CEP350: variants seen among roughly 807,000 people sequenced by gnomAD.
CEP350 encodes the protein centrosome-associated protein 350.
CEP350 carries 126 observed loss-of-function variants against 331.8 expected under a neutral mutation model. That is an observed-to-expected ratio of 0.38 (90% CI 0.33 to 0.44). CEP350 has a LOEUF of 0.44. CEP350 is among the 20% of genes least tolerant of loss of function. The pLI is 1.00. For synonymous variants in CEP350, 1,200 were observed against 1,259.5 expected, an observed-to-expected ratio of 0.95 and a Z score of 1.00; for missense variants, 3,406 against 3,634.6, an observed-to-expected ratio of 0.94 and a Z score of 1.62.
At position 180,020,945 on chromosome 1, in the gene CEP350, G is replaced by A. The variant is rs760754617; in HGVS notation, c.3171G>A (p.Leu1057=). The A allele has an allele frequency of 1.2e-6, 2 of 1,600,578 alleles. No individual in the cohort carries two copies. Among genetic ancestry groups the A allele is most frequent in the South Asian group, 2.2e-5 (2 of 88,932 alleles). The change falls in exon 12 of 38, where the codon TTG becomes TTA. Residue 1057 remains leucine (L), a synonymous_variant. Transcript: ENST00000367607. ...GTQSKGPWEE[L]AKGSPHSVIN... ...AAAGCAAAGGACCATGGGAAGAATT[G>A]GCAAAGGGAAGTCCACATAGCGTCA...
chr1:180,108,610 C>T (rs1361860152), intron 37 of CEP350, among the ~76,000 whole-genome samples: 2 of 152,162 alleles, frequency 1.3e-5, no homozygotes, highest in Non-Finnish European at 2.9e-5. Context: ...GTGCACACAC[C>T]TAGACCATCC....
intron 14 of CEP350, among the ~76,000 whole-genome samples, chr1:180,027,047 C>T (rs1166827519): frequency 2.6e-5 from 4 of 152,218 alleles, no homozygotes; most frequent in Non-Finnish European, 4.4e-5. Flanking sequence ...TCTATAGCAG[C>T]TGTACCATTT....
chr1:179,972,046 T>A (rs1331340821), intron 1 of CEP350, among the ~76,000 whole-genome samples: 1 of 152,196 alleles, frequency 6.6e-6, no homozygotes, highest in Non-Finnish European at 1.5e-5. Context: ...GTTTCTGGTT[T>A]ATGCAGCTGG....
At chr1:180,084,448 TC>T (rs1387877778) in intron 31 of CEP350, among the ~76,000 whole-genome samples, 1 of 152,174 alleles carries the variant, frequency 6.6e-6, no homozygotes, top group African/African-American at 2.4e-5. Flanking sequence ...CACTGCAAGA[TC>T]CGCCCCCTGG....
intron 1 of CEP350, among the ~76,000 whole-genome samples, chr1:179,960,225 A>G (rs60647697): frequency 0.056 from 8,139 of 146,360 alleles, 519 homozygotes; most frequent in African/African-American, 0.16. Flanking sequence ...CCATATAGAC[A>G]TGCCAATTCA....
intron 24 of CEP350, 103 bp from the exon 25 acceptor site, chr1:180,054,312 T>C (rs928238477): frequency 6.3e-6 from 6 of 949,436 alleles, no homozygotes; most frequent in Non-Finnish European, 9.8e-6. Context: ...TTTGAAAATG[T>C]TAAATTGGTT....
Position 180,014,413 on chromosome 1 carries a change from A to G in CEP350, c.1960A>G (p.Thr654Ala), listed in dbSNP as rs1654841939. Residue 654 changes from threonine (T) to alanine (A), a missense_variant, in exon 10 of 38, where the codon ACT (threonine) becomes GCT (alanine). This residue lies in a region of CEP350 where 1,857 missense variants were observed against 1,909.2 expected (regional missense o/e 0.97). Transcript: ENST00000367607. ...TGTCCCTCCTTCTGAGCCATCAGCAACTAGGCGACTACAGGAAACTTACTC... is the reference window on the plus strand; with the variant it reads ...TGTCCCTCCTTCTGAGCCATCAGCAGCTAGGCGACTACAGGAAACTTACTC... ...KNVPPSEPSA[T>A]RRLQETYSKL... The G allele has an allele frequency of 2.5e-6, 4 of 1,606,836 alleles. No individual in the cohort carries two copies. The highest frequency in any genetic ancestry group is 1.6e-4 in the Middle Eastern group (1 of 6,082).
rs145612336 is a variant in CEP350 at position 180,026,979 on chromosome 1, A to G, written c.3550+2397A>G. 4.1e-3 allele frequency among the ~76,000 whole-genome samples: 629 copies of G among 152,342 alleles called. 6 individuals are homozygous for G. The highest frequency in any genetic ancestry group is 4.5e-3 in the Non-Finnish European group (307 of 68,028). ...AATCCCTGCTTTACCCAGATACAGA[A>G]TTGCTAGATCAAATGGTAATGCCAT... On this transcript the variant is annotated intron_variant, in intron 14 of 37. Coordinates refer to ENST00000367607, the MANE Select transcript of CEP350 (RefSeq NM_014810.5).
At chr1:180,057,859 A>G (rs991893947) in intron 25 of CEP350, among the ~76,000 whole-genome samples, 2 of 152,202 alleles carry the variant, frequency 1.3e-5, no homozygotes, top group Non-Finnish European at 2.9e-5. Flanking sequence ...ACTCAGCACA[A>G]GAGACTGGGG....
At position 180,062,318 on chromosome 1, in the gene CEP350, C is replaced by T; in HGVS notation, c.5361C>T (p.Thr1787=). 1 of 1,610,118 alleles carries T rather than the reference C, an allele frequency of 6.2e-7. No individual in the cohort carries two copies. The highest frequency in any genetic ancestry group is 1.1e-5 in the South Asian group (1 of 90,300). The part of the protein sequence containing the change: ...QQEEIEKIRQ[T]TIKLQEKLKS... Reference sequence around the variant, plus strand: ...AGGAGATAGAAAAGATCCGACAGACCACCATAAAACTACAGGAGAAATTGA... The same window carrying T: ...AGGAGATAGAAAAGATCCGACAGACTACCATAAAACTACAGGAGAAATTGA... Residue 1787 remains threonine (T), a synonymous_variant, in exon 26 of 38, where the codon ACC becomes ACT. Transcript: ENST00000367607.
chr1:180,101,988 A>G (rs1660845142), intron 37 of CEP350, among the ~76,000 whole-genome samples: 1 of 152,192 alleles, frequency 6.6e-6, no homozygotes, highest in African/African-American at 2.4e-5. Flanking sequence ...GGTTTTTCTG[A>G]AAGCTTCATG....
intron 35 of CEP350, 38 bp from the exon 36 acceptor site, chr1:180,096,000 C>G: frequency 6.5e-7 from 1 of 1,546,724 alleles, no homozygotes; most frequent in Non-Finnish European, 8.7e-7. Flanking sequence ...GGATTCTTAG[C>G]CATTTTGTTT....
Position 180,014,411 on chromosome 1 carries a change from C to T in CEP350, c.1958C>T (p.Ala653Val). The change falls in exon 10 of 38, where the codon GCA becomes GTA. Residue 653 changes from alanine to valine, a missense_variant. Physicochemically the swap from Ala to Val is moderately conservative, Grantham distance 64 (BLOSUM62 0). Coordinates refer to ENST00000367607, the MANE Select transcript of CEP350 (RefSeq NM_014810.5). ...VKNVPPSEPS[A>V]TRRLQETYSK... ...AATGTCCCTCCTTCTGAGCCATCAG[C>T]AACTAGGCGACTACAGGAAACTTAC... 6.2e-7 allele frequency: 1 copy of T among 1,606,284 alleles called. No homozygotes were observed. The highest frequency in any genetic ancestry group is 8.5e-7 in the Non-Finnish European group (1 of 1,176,304).
In CEP350 at chr1:180,013,965, A is replaced by G. The variant is rs186332936; in HGVS notation, c.1512A>G (p.Leu504=). The G allele has an allele frequency of 1.2e-6, 2 of 1,613,650 alleles. No individual in the cohort carries two copies. Among genetic ancestry groups the G allele is most frequent in the East Asian group, 4.5e-5 (2 of 44,878 alleles). ...KSRSENNIKK[L]ASSLPDNKQE... Reference sequence around the variant, plus strand: ...GGTCTGAAAATAATATAAAGAAACTAGCTTCATCTCTTCCAGATAATAAGC... The same window carrying G: ...GGTCTGAAAATAATATAAAGAAACTGGCTTCATCTCTTCCAGATAATAAGC... Residue 504 remains leucine, a synonymous_variant, in exon 10 of 38, where the codon CTA becomes CTG. Transcript: ENST00000367607.
At chr1:180,088,817 T>G (rs901996550) in intron 32 of CEP350, among the ~76,000 whole-genome samples, 2 of 152,206 alleles carry the variant, frequency 1.3e-5, no homozygotes, top group Non-Finnish European at 2.9e-5. Context: ...TTAACAGGGC[T>G]TAGGACACAG....
At chr1:179,970,475 T>C (rs1011618419) in intron 1 of CEP350, among the ~76,000 whole-genome samples, 1 of 151,858 alleles carries the variant, frequency 6.6e-6, no homozygotes, top group Non-Finnish European at 1.5e-5. Context: ...AATTTACCAT[T>C]TGTCCATTTT....
chr1:180,057,045 T>C (rs1032415771), intron 25 of CEP350, among the ~76,000 whole-genome samples: 35 of 152,138 alleles, frequency 2.3e-4, no homozygotes, highest in African/African-American at 8.4e-4. Flanking sequence ...TTATTCTTTT[T>C]AAAATAGATT....
At chr1:180,040,065 C>T (rs1010721250) in intron 17 of CEP350, among the ~76,000 whole-genome samples, 4 of 151,412 alleles carry the variant, frequency 2.6e-5, no homozygotes, top group African/African-American at 9.7e-5. Context: ...TTTGTTCTTC[C>T]CAAAAGACCC....
intron 5 of CEP350, among the ~76,000 whole-genome samples, 191 bp from the exon 6 acceptor site, chr1:179,996,362 G>A (rs969673771): frequency 2.6e-5 from 4 of 152,124 alleles, no homozygotes; most frequent in Non-Finnish European, 5.9e-5. Flanking sequence ...TAGAAACTAC[G>A]TATGTATAGT....
Sources: gnomAD v4.1 joint callset for allele counts (sites outside exome capture counted in the v4.1 genomes callset) on GRCh38, gnomAD v4.1.1 for gene constraint, gnomAD v4.1.1 regional missense constraint, MANE v1.5 for transcripts, NCBI Gene and HGNC (gene_info 2026-07-23, HGNC 2026-07-21) for gene names.